NDUFS4: variants seen among roughly 807,000 people sequenced by gnomAD.
NDUFS4 encodes the protein NADH:ubiquinone oxidoreductase subunit S4, also known as NADH dehydrogenase [ubiquinone] iron-sulfur protein 4, mitochondrial.
NDUFS4 carries 28 observed loss-of-function variants against 24.3 expected under a neutral mutation model. The observed-to-expected ratio is 1.15, with a 90% CI of 0.85 to 1.58. The LOEUF (loss-of-function observed/expected upper bound fraction) is 1.58. Ranked by LOEUF, NDUFS4 falls within the 40% of genes most tolerant of loss-of-function variation. NDUFS4 has a pLI of 0.00. For synonymous variants in NDUFS4, 93 were observed against 69.7 expected, an observed-to-expected ratio of 1.34 and a Z score of -1.67; for missense variants, 223 against 207.9, an observed-to-expected ratio of 1.07 and a Z score of -0.45.
At chr5:53,589,901 T>C (rs1258848423) in intron 1 of NDUFS4, among the ~76,000 whole-genome samples, 1 of 152,174 alleles carries the variant, frequency 6.6e-6, no homozygotes, top group African/African-American at 2.4e-5. Flanking sequence ...TTTTTGGGAC[T>C]CGGGTTGGCT....
intron 4 of NDUFS4, among the ~76,000 whole-genome samples, chr5:53,663,205 A>G (rs1752399098): frequency 6.6e-6 from 1 of 152,054 alleles, no homozygotes; most frequent in Admixed American, 6.6e-5. Context: ...ATAATTTGTT[A>G]TAATTTCTGT....
chr5:53,665,290 G>A (rs1451559152), intron 4 of NDUFS4, among the ~76,000 whole-genome samples: 1 of 152,206 alleles, frequency 6.6e-6, no homozygotes, highest in African/African-American at 2.4e-5. Context: ...CCCACTTGAG[G>A]AGGCAGTCTG....
Position 53,560,672 on chromosome 5 carries a change from G to A in NDUFS4, c.10G>A (p.Val4Met), listed in dbSNP as rs185711494. 8.7e-6 allele frequency: 14 copies of A among 1,614,240 alleles called. No homozygotes were observed. In the South Asian group the frequency reaches 1.1e-4, roughly 13 times the overall value. The change falls in exon 1 of 5, where the codon GTG (valine) becomes ATG (methionine). Residue 4 changes from valine to methionine, a missense_variant. By Grantham distance (21) the Val-to-Met change is conservative. Transcript: ENST00000296684. MAA[V>M]SMSVVLRQTL... ...GTTTGCCTGCAGCAAGATGGCGGCG[G>A]TGTCAATGTCAGTGGTACTGAGGCA...
At chr5:53,649,519 CCA>C (rs1751958858) in intron 3 of NDUFS4, among the ~76,000 whole-genome samples, 1 of 152,140 alleles carries the variant, frequency 6.6e-6, no homozygotes, top group African/African-American at 2.4e-5. Flanking sequence ...ATCCATGTTG[CCA>C]CAGAGGACAT....
At chr5:53,571,622 T>C (rs961299796) in intron 1 of NDUFS4, among the ~76,000 whole-genome samples, 1 of 152,212 alleles carries the variant, frequency 6.6e-6, no homozygotes, top group South Asian at 2.1e-4. Context: ...CCAAAGTGGC[T>C]GCACTATTTT....
At chr5:53,619,310 A>T (rs912080549) in intron 2 of NDUFS4, among the ~76,000 whole-genome samples, 10 of 100,352 alleles carry the variant, frequency 1.0e-4, no homozygotes, top group African/African-American at 3.0e-4. Flanking sequence ...AAAATTTAAA[A>T]AAAAAAAAAA....
At chr5:53,669,293 T>C (rs1752603705) in intron 4 of NDUFS4, among the ~76,000 whole-genome samples, 1 of 152,194 alleles carries the variant, frequency 6.6e-6, no homozygotes, top group Non-Finnish European at 1.5e-5. Flanking sequence ...CTTCACAATA[T>C]AGGCACAAAC....
chr5:53,629,096 T>G (rs1751318877), intron 2 of NDUFS4, among the ~76,000 whole-genome samples: 1 of 152,230 alleles, frequency 6.6e-6, no homozygotes, highest in African/African-American at 2.4e-5. Flanking sequence ...TCTCACTGGT[T>G]TCAAAGAACA....
intron 2 of NDUFS4, among the ~76,000 whole-genome samples, chr5:53,633,557 C>T (rs1053769191): frequency 6.6e-6 from 1 of 152,136 alleles, no homozygotes; most frequent in Non-Finnish European, 1.5e-5. Context: ...TTCATCTAGC[C>T]TACGCATAAA....
intron 4 of NDUFS4, among the ~76,000 whole-genome samples, chr5:53,672,893 G>T (rs774222638): frequency 3.3e-5 from 5 of 151,710 alleles, no homozygotes; most frequent in Admixed American, 6.6e-5. Flanking sequence ...CCTAAATATC[G>T]GTATATTAAT....
chr5:53,584,566 C>T (rs193125338), intron 1 of NDUFS4, among the ~76,000 whole-genome samples: 2,126 of 152,058 alleles, frequency 0.014, 51 homozygotes, highest in African/African-American at 0.048. Context: ...TCTTGAACTC[C>T]CGACCTCAGG....
chr5:53,601,478 T>C (rs542590286), intron 1 of NDUFS4, among the ~76,000 whole-genome samples: 23 of 152,314 alleles, frequency 1.5e-4, no homozygotes, highest in African/African-American at 5.5e-4. Context: ...AATTAGGACA[T>C]AATCGTTTTA....
Position 53,683,131 on chromosome 5 carries a change from C to T in NDUFS4, c.438C>T (p.Asp146=). 1.2e-6 allele frequency: 2 copies of T among 1,602,788 alleles called. No homozygotes were observed. The highest frequency in any genetic ancestry group is 1.7e-6 in the Non-Finnish European group (2 of 1,170,104). ...SFAEKNGWSY[D]IEERKVPKPK... is the part of the protein sequence containing the mutation. ...TTTTCCTCCTAGGATGGAGCTATGA[C>T]ATTGAAGAGAGGAAGGTTCCAAAAC... Residue 146 remains aspartate, a synonymous_variant, in exon 5 of 5, where the codon GAC becomes GAT. Coordinates refer to ENST00000296684, the MANE Select transcript of NDUFS4 (RefSeq NM_002495.4).
intron 2 of NDUFS4, among the ~76,000 whole-genome samples, chr5:53,613,832 T>C (rs1276193050): frequency 2.0e-5 from 3 of 151,982 alleles, no homozygotes; most frequent in South Asian, 4.1e-4. Context: ...TAGGAGAGAT[T>C]GATTTTGAAA....
chr5:53,634,022 A>G (rs1751480213), intron 2 of NDUFS4, among the ~76,000 whole-genome samples: 1 of 152,206 alleles, frequency 6.6e-6, no homozygotes, highest in Non-Finnish European at 1.5e-5. Context: ...ACACGTGTAC[A>G]TTCTTGCATT....
chr5:53,575,022 T>C (rs1052990691), intron 1 of NDUFS4, among the ~76,000 whole-genome samples: 4 of 152,180 alleles, frequency 2.6e-5, no homozygotes, highest in African/African-American at 9.6e-5. Context: ...TCCCGCACAT[T>C]TCCATTGTTG....
intron 1 of NDUFS4, among the ~76,000 whole-genome samples, chr5:53,566,901 T>C (rs1749045531): frequency 1.3e-5 from 2 of 148,848 alleles, no homozygotes; most frequent in Admixed American, 1.4e-4. Context: ...CAGGCTGAAA[T>C]GCAGTGGCGT....
chr5:53,596,795 T>A (rs1449315083), intron 1 of NDUFS4, among the ~76,000 whole-genome samples: 1 of 152,202 alleles, frequency 6.6e-6, no homozygotes, highest in African/African-American at 2.4e-5. Flanking sequence ...CAAACGTAAT[T>A]AGTTCTAATC....
intron 2 of NDUFS4, among the ~76,000 whole-genome samples, chr5:53,629,897 T>C (rs1290556163): frequency 6.6e-6 from 1 of 152,218 alleles, no homozygotes; most frequent in Non-Finnish European, 1.5e-5. Context: ...AATATTGTTA[T>C]GTGTGAATTT....
Sources: gnomAD v4.1 joint callset for allele counts (sites outside exome capture counted in the v4.1 genomes callset) on GRCh38, gnomAD v4.1.1 for gene constraint, MANE v1.5 for transcripts, NCBI Gene and HGNC (gene_info 2026-07-23, HGNC 2026-07-21) for gene names.